FBXL2: variants seen among roughly 807,000 people sequenced by gnomAD.
FBXL2 encodes the protein F-box and leucine rich repeat protein 2, also known as F-box/LRR-repeat protein 2.
FBXL2 carries 38 observed loss-of-function variants against 69.2 expected under a neutral mutation model. The ratio of observed to expected loss-of-function variants is 0.55; its 90% confidence interval spans 0.42 to 0.72. The LOEUF (loss-of-function observed/expected upper bound fraction) is 0.72. Among genes scored for constraint, FBXL2 ranks in the 30% least tolerant of loss-of-function variants. The probability of loss-of-function intolerance (pLI) is 0.00; values close to 1 mark genes in which losing one functional copy is unlikely to be tolerated. For missense variants in FBXL2, 354 were observed against 520.3 expected (o/e 0.68, Z 3.11); for synonymous variants, 192 against 201.3 (o/e 0.95, Z 0.39).
At chr3:33,375,191 G>A (rs1175678990) in intron 9 of FBXL2, 97 bp from the exon 10 acceptor site, 1 of 1,484,136 alleles carries the variant, frequency 6.7e-7, no homozygotes, top group Non-Finnish European at 9.2e-7. Context: ...CTAGTAATCA[G>A]CAACCAAAAC....
intron 1 of FBXL2, among the ~76,000 whole-genome samples, chr3:33,282,021 C>A (rs2034067959): frequency 1.3e-5 from 2 of 152,108 alleles, no homozygotes; most frequent in East Asian, 1.9e-4. Context: ...ATTGTAGTTT[C>A]TTTTGCTGTG....
intron 2 of FBXL2, among the ~76,000 whole-genome samples, chr3:33,342,353 A>G (rs1287895732): frequency 6.6e-6 from 1 of 150,976 alleles, no homozygotes; most frequent in Non-Finnish European, 1.5e-5. Context: ...AAGATTTAAA[A>G]TATATATATA....
chr3:33,303,236 G>A, intron 2 of FBXL2: 1 of 452,058 alleles, frequency 2.2e-6, no homozygotes. Context: ...CTTTGCCGAA[G>A]AGTTTTTTTA....
At chr3:33,364,560 T>C in intron 4 of FBXL2, 65 bp from the exon 5 acceptor site, 1 of 1,362,880 alleles carries the variant, frequency 7.3e-7, no homozygotes, top group Non-Finnish European at 1.0e-6. Flanking sequence ...TTTCAGGTTA[T>C]TTTGCTGTTA....
downstream of FBXL2, chr3:33,391,688 T>G (rs1016561502): frequency 1.8e-4 from 28 of 152,394 alleles, no homozygotes; most frequent in African/African-American, 6.7e-4. Flanking sequence ...TGGAGCCCAC[T>G]GGGACCCTGT....
intron 5 of FBXL2, 128 bp from the exon 6 acceptor site, chr3:33,372,964 C>T: frequency 1.3e-6 from 1 of 798,892 alleles, no homozygotes; most frequent in Non-Finnish European, 2.2e-6. Flanking sequence ...GTGACAAGAA[C>T]CCTAGCTGAT....
chr3:33,322,720 G>A (rs550822381), intron 2 of FBXL2, among the ~76,000 whole-genome samples: 5 of 152,138 alleles, frequency 3.3e-5, no homozygotes, highest in Non-Finnish European at 7.3e-5. Flanking sequence ...ATAAGGGAGA[G>A]ACACAAAGTA....
At chr3:33,285,859 G>A (rs1434915751) in intron 1 of FBXL2, among the ~76,000 whole-genome samples, 4 of 152,042 alleles carry the variant, frequency 2.6e-5, no homozygotes, top group Non-Finnish European at 5.9e-5. Context: ...TGCATCACGT[G>A]GTTCTCATGC....
At chr3:33,335,693 A>G (rs2039522679) in intron 2 of FBXL2, among the ~76,000 whole-genome samples, 1 of 152,242 alleles carries the variant, frequency 6.6e-6, no homozygotes, top group Non-Finnish European at 1.5e-5. Flanking sequence ...TAATTATTTC[A>G]AAAGAGGTCT....
chr3:33,297,878 C>A, intron 2 of FBXL2, 153 bp downstream of exon 2: 1 of 670,116 alleles, frequency 1.5e-6, no homozygotes, highest in Non-Finnish European at 2.8e-6. Flanking sequence ...GAATGCTGTT[C>A]AGCTTGTTGT....
chr3:33,364,430 T>C (rs2041824317), intron 4 of FBXL2, 195 bp from the exon 5 acceptor site: 1 of 600,666 alleles, frequency 1.7e-6, no homozygotes, highest in Non-Finnish European at 3.0e-6. Context: ...CTTAATGCTT[T>C]AATTGGACCA....
intron 12 of FBXL2, chr3:33,396,358 ATCTAAGT>A: frequency 9.4e-7 from 1 of 1,062,122 alleles, no homozygotes; most frequent in Non-Finnish European, 1.4e-6. Context: ...AACTACAGGA[ATCTAAGT>A]TCTATTTCCT....
At position 33,305,288 on chromosome 3, in the gene FBXL2, A is replaced by G. The variant is rs1392168231; in HGVS notation, c.65+7563A>G. ...TCAGTTTTTAATCACTGTGGTACATATGTTTATATATAAGATAAGAATACA... is the reference window on the plus strand; with the variant it reads ...TCAGTTTTTAATCACTGTGGTACATGTGTTTATATATAAGATAAGAATACA... On this transcript the variant is annotated intron_variant, in intron 2 of 14. Transcript: ENST00000484457. Among the ~76,000 whole-genome samples the G allele has an allele frequency of 2.0e-5, 3 of 151,950 alleles. No individual in the cohort carries two copies. The East Asian group carries it at 5.8e-4, about 29-fold the overall frequency.
At chr3:33,416,859 A>T in the FBXL2 span, 1 of 1,578,082 alleles carries the variant, frequency 6.3e-7, no homozygotes. Context: ...TGTGTATAAA[A>T]AACAATCCTT....
intron 2 of FBXL2, among the ~76,000 whole-genome samples, chr3:33,317,124 C>T (rs1267772671): frequency 6.6e-6 from 1 of 152,072 alleles, no homozygotes; most frequent in South Asian, 2.1e-4. Flanking sequence ...TCTTGAACTC[C>T]TAGCCTTAAG....
Position 33,377,349 on chromosome 3 carries a change from A to C in FBXL2, c.849+16A>C, listed in dbSNP as rs115832559. On this transcript the variant is annotated intron_variant, in intron 11 of 14. Transcript: ENST00000484457. ...TTTAGCTCGGGTAAGGCATAGATTT[A>C]AAGAATACAACCAAACTCTAATTCA... 2.4e-3 allele frequency: 3,840 copies of C among 1,613,420 alleles called. 82 individuals are homozygous for C. The African/African-American group carries it at 0.045, about 19-fold the overall frequency.
Position 33,308,937 on chromosome 3 carries a change from G to A in FBXL2, c.65+11212G>A, listed in dbSNP as rs181502526. ...TTTCATACCATTGTGATTAGAAAAC[G>A]TATTTGATGTGATTTCCAACTGCTT... is the stretch of plus-strand genomic sequence containing the variant. On this transcript the variant is annotated intron_variant, in intron 2 of 14. Coordinates refer to ENST00000484457, the MANE Select transcript of FBXL2 (RefSeq NM_012157.5). 1.1e-3 allele frequency among the ~76,000 whole-genome samples: 160 copies of A among 152,186 alleles called. 1 individual carries two copies. Among genetic ancestry groups the A allele is most frequent in the Non-Finnish European group, 8.2e-4 (56 of 68,000 alleles).
Position 33,377,351 on chromosome 3 carries a change from A to G in FBXL2, c.849+18A>G, listed in dbSNP as rs894454241. The G allele has an allele frequency of 6.2e-7, 1 of 1,613,276 alleles. No individual in the cohort carries two copies. The highest frequency in any genetic ancestry group is 8.5e-7 in the Non-Finnish European group (1 of 1,179,204). ...TAGCTCGGGTAAGGCATAGATTTAAAGAATACAACCAAACTCTAATTCACC... is the reference window on the plus strand; with the variant it reads ...TAGCTCGGGTAAGGCATAGATTTAAGGAATACAACCAAACTCTAATTCACC... On this transcript the variant is annotated intron_variant, in intron 11 of 14. Coordinates refer to ENST00000484457, the MANE Select transcript of FBXL2 (RefSeq NM_012157.5).
chr3:33,301,025 A>C (rs1017025425), intron 2 of FBXL2, among the ~76,000 whole-genome samples: 1 of 152,108 alleles, frequency 6.6e-6, no homozygotes, highest in Non-Finnish European at 1.5e-5. Context: ...CCTTTCTAAG[A>C]AAAATGTTGA....
Sources: allele counts gnomAD v4.1 joint callset (sites outside exome capture counted in the v4.1 genomes callset), GRCh38; gene constraint gnomAD v4.1.1; transcripts MANE v1.5; gene names NCBI Gene and HGNC (gene_info 2026-07-23, HGNC 2026-07-21).